Variants in UNC13C observed in about 807,000 individuals in gnomAD.
UNC13C encodes protein unc-13 homolog C.
UNC13C carries 174 observed loss-of-function variants against 245.4 expected under a neutral mutation model. That is an observed-to-expected ratio of 0.71 (90% confidence interval 0.63 to 0.80). The LOEUF is 0.80. Ranked by LOEUF, UNC13C falls within the 30% of genes least tolerant of loss-of-function variation. UNC13C has a pLI of 0.00. For missense variants in UNC13C, 2,829 were observed against 2,602.9 expected, an observed-to-expected ratio of 1.09 and a Z score of -1.89; for synonymous variants, 992 against 895.1, an observed-to-expected ratio of 1.11 and a Z score of -1.93.
chr15:53,861,440 GT>G, the UNC13C span, among the ~76,000 whole-genome samples: 1 of 151,844 alleles, frequency 6.6e-6, no homozygotes, highest in Non-Finnish European at 1.5e-5. Flanking sequence ...TGTTATTTTT[GT>G]TTTTTTATAA....
intron 17 of UNC13C, among the ~76,000 whole-genome samples, chr15:54,360,960 G>A (rs539149392): frequency 1.3e-4 from 20 of 152,138 alleles, no homozygotes; most frequent in African/African-American, 4.1e-4. Flanking sequence ...CTTAAATTTG[G>A]TTGGCAATCT....
intron 2 of UNC13C, among the ~76,000 whole-genome samples, chr15:54,095,816 A>G (rs1311300501): frequency 1.3e-5 from 2 of 152,236 alleles, no homozygotes; most frequent in African/African-American, 4.8e-5. Context: ...AGGCTTACTT[A>G]GTGTCTCATA....
At chr15:53,844,605 G>A in the UNC13C span, among the ~76,000 whole-genome samples, 1,021 of 152,236 alleles carry the variant, frequency 6.7e-3, 6 homozygotes, top group Non-Finnish European at 9.6e-3. Context: ...ACATTTCAAA[G>A]GGCTGACTTT....
chr15:54,541,889 T>G (rs1450616045), intron 26 of UNC13C, among the ~76,000 whole-genome samples: 1 of 152,090 alleles, frequency 6.6e-6, no homozygotes, highest in Non-Finnish European at 1.5e-5. Flanking sequence ...GTTATGTTGG[T>G]CCAGTGCCCA....
rs140776262 is a variant in UNC13C, at chr15:54,627,059, T to G, written c.6591T>G (p.Ala2197=). The G allele has an allele frequency of 2.5e-6, 4 of 1,613,106 alleles. No homozygotes were observed. Among genetic ancestry groups the G allele is most frequent in the Non-Finnish European group, 3.4e-6 (4 of 1,179,442 alleles). Reference sequence around the variant, plus strand: ...CTCAGAGGACCAGTGATGATGTGGCTAAAGAATTTGTAAGACTTAAATCTG... The same window carrying G: ...CTCAGAGGACCAGTGATGATGTGGCGAAAGAATTTGTAAGACTTAAATCTG... ...ILSQRTSDDV[A]KEFVRLKSET... The change falls in exon 33 of 33, where the codon GCT becomes GCG. Residue 2197 remains alanine (A), a synonymous_variant. Coordinates refer to ENST00000260323, the MANE Select transcript of UNC13C (RefSeq NM_001080534.3).
At chr15:54,616,192 T>A (rs1900420000) in intron 30 of UNC13C, among the ~76,000 whole-genome samples, 1 of 151,984 alleles carries the variant, frequency 6.6e-6, no homozygotes, top group Non-Finnish European at 1.5e-5. Flanking sequence ...TATAAAGTAG[T>A]AGATATAAGC....
intron 4 of UNC13C, among the ~76,000 whole-genome samples, chr15:54,175,900 G>A (rs1397349098): frequency 6.6e-6 from 1 of 152,114 alleles, no homozygotes; most frequent in Non-Finnish European, 1.5e-5. Flanking sequence ...ACCACATACT[G>A]GTCTATACTA....
At position 54,402,055 on chromosome 15, in the gene UNC13C, G is replaced by A. The variant is rs1009503466; in HGVS notation, c.4847+8874G>A. On this transcript the variant is annotated intron_variant, in intron 18 of 32. Transcript: ENST00000260323. Reference sequence around the variant, plus strand: ...TCAATATAGTTGCAGTTTGTTTGCTGTTGAAATGTAAAAAAAAAAAAAAAA... The same window carrying A: ...TCAATATAGTTGCAGTTTGTTTGCTATTGAAATGTAAAAAAAAAAAAAAAA... Among the ~76,000 whole-genome samples the A allele has an allele frequency of 6.5e-4, 95 of 146,368 alleles. 1 individual carries two copies. Among genetic ancestry groups the A allele is most frequent in the Admixed American group, 3.6e-3 (52 of 14,440 alleles).
At chr15:54,526,916 C>T (rs1223015092) in intron 25 of UNC13C, among the ~76,000 whole-genome samples, 1 of 152,064 alleles carries the variant, frequency 6.6e-6, no homozygotes, top group Admixed American at 6.6e-5. Context: ...TCATATTTTT[C>T]TTCTTAGATG....
At chr15:53,904,385 T>C in the UNC13C span, among the ~76,000 whole-genome samples, 2 of 152,164 alleles carry the variant, frequency 1.3e-5, no homozygotes, top group Admixed American at 6.5e-5. Context: ...AATACAAATA[T>C]TATAAAGAAA....
intron 13 of UNC13C, among the ~76,000 whole-genome samples, chr15:54,318,833 A>AT (rs1309800292): frequency 1.3e-5 from 2 of 151,898 alleles, no homozygotes; most frequent in East Asian, 3.9e-4. Flanking sequence ...TAATTATGTC[A>AT]TTTTTTACAT....
chr15:54,160,508 C>T (rs1156630299), intron 4 of UNC13C, among the ~76,000 whole-genome samples: 1 of 151,516 alleles, frequency 6.6e-6, no homozygotes, highest in Admixed American at 6.6e-5. Context: ...TCTGAAAAAA[C>T]TAAATTACAA....
chr15:54,528,738 A>C (rs1212608397), intron 25 of UNC13C, among the ~76,000 whole-genome samples: 1 of 152,156 alleles, frequency 6.6e-6, no homozygotes, highest in East Asian at 1.9e-4. Flanking sequence ...TGCAAAAGAA[A>C]GTAGTCATTT....
chr15:54,113,606 C>T (rs1385786790), intron 2 of UNC13C, among the ~76,000 whole-genome samples: 3 of 152,088 alleles, frequency 2.0e-5, no homozygotes, highest in Non-Finnish European at 4.4e-5. Flanking sequence ...GCGGGTGGAT[C>T]ATGAAGTCAG....
intron 20 of UNC13C, among the ~76,000 whole-genome samples, chr15:54,498,678 C>G (rs996367129): frequency 4.0e-5 from 6 of 151,802 alleles, no homozygotes; most frequent in Admixed American, 3.9e-4. Context: ...TTAAAATCAC[C>G]ACAAATAAAT....
At chr15:54,196,243 G>A (rs551627453) in intron 4 of UNC13C, among the ~76,000 whole-genome samples, 26 of 152,194 alleles carry the variant, frequency 1.7e-4, no homozygotes, top group African/African-American at 6.0e-4. Context: ...TAGTGAAAGT[G>A]GAAATGCAGA....
the UNC13C span, among the ~76,000 whole-genome samples, chr15:53,886,004 G>C: frequency 5.3e-5 from 8 of 152,170 alleles, no homozygotes; most frequent in African/African-American, 1.9e-4. Flanking sequence ...GTTTCTGACT[G>C]TTGGGTTGGG....
chr15:54,287,996 G>A (rs2037192315), intron 10 of UNC13C, among the ~76,000 whole-genome samples: 1 of 152,100 alleles, frequency 6.6e-6, no homozygotes, highest in Non-Finnish European at 1.5e-5. Flanking sequence ...CTTCAGGTTT[G>A]GTTCTTTGTA....
chr15:54,337,246 T>C (rs989217516), intron 16 of UNC13C, among the ~76,000 whole-genome samples: 8 of 152,216 alleles, frequency 5.3e-5, no homozygotes, highest in African/African-American at 1.7e-4. Context: ...ATTTATTTCT[T>C]GGACCTCTTC....
Sources: allele counts gnomAD v4.1 joint callset (sites outside exome capture counted in the v4.1 genomes callset), GRCh38; gene constraint gnomAD v4.1.1; transcripts MANE v1.5; gene names NCBI Gene and HGNC (gene_info 2026-07-23, HGNC 2026-07-21).